Variants in SYNE2 observed in about 807,000 individuals in gnomAD.
The protein encoded by SYNE2 is nesprin-2.
In SYNE2, 431 loss-of-function variants were observed where a neutral mutation model predicts 856.3. The ratio of observed to expected loss-of-function variants is 0.50; its 90% confidence interval spans 0.47 to 0.55. SYNE2 has a LOEUF of 0.55. Among genes scored for constraint, SYNE2 ranks in the 20% least tolerant of loss-of-function variants. SYNE2 has a pLI of 0.00. For missense variants in SYNE2, 8,129 were observed against 8,023.2 expected, an observed-to-expected ratio of 1.01 and a Z score of -0.50; for synonymous variants, 2,923 against 2,872.3, an observed-to-expected ratio of 1.02 and a Z score of -0.56.
At chr14:63,793,717 G>C (rs1477093289) in intron 1 of SYNE2, among the ~76,000 whole-genome samples, 3 of 151,936 alleles carry the variant, frequency 2.0e-5, no homozygotes, top group Non-Finnish European at 4.4e-5. Flanking sequence ...CATGAGGATT[G>C]TTTGAGCCCA....
rs764566778 is a variant in SYNE2, at chr14:64,190,204, G to T, written c.18005G>T (p.Arg6002Leu). The T allele has an allele frequency of 2.5e-6, 4 of 1,614,040 alleles. No homozygotes were observed. Among genetic ancestry groups the T allele is most frequent in the African/African-American group, 1.3e-5 (1 of 74,986 alleles). Residue 6002 changes from arginine (R) to leucine (L), a missense_variant, in exon 99 of 116, where the codon CGT becomes CTT. Around this residue, in one of 3 missense-constraint regions of SYNE2, gnomAD observed 5,410 missense variants for 5,284.8 expected, o/e 1.02. Transcript: ENST00000555002. ...IDDKLNKINDRWQHLFDVIGS... is the reference protein window; with the variant it reads ...IDDKLNKINDLWQHLFDVIGS... ...GACAAGCTCAACAAAATTAACGATC[G>T]TTGGCAACATCTTTTTGATGTCATC... is the stretch of plus-strand genomic sequence containing the variant.
intron 83 of SYNE2, among the ~76,000 whole-genome samples, chr14:64,145,005 C>A (rs1223309747): frequency 6.7e-6 from 1 of 149,452 alleles, no homozygotes; most frequent in Non-Finnish European, 1.5e-5. Context: ...CGGCTCACTG[C>A]AACTTCCACC....
At chr14:63,964,069 A>G (rs960744262) in intron 10 of SYNE2, 69 bp downstream of exon 10, 1 of 982,728 alleles carries the variant, frequency 1.0e-6, no homozygotes, top group African/African-American at 1.6e-5. Flanking sequence ...TGTTTTTAGA[A>G]AACTCTTTCA....
At chr14:63,982,606 G>C (rs529134855) in intron 16 of SYNE2, 24 bp from the exon 17 acceptor site, 3 of 1,606,098 alleles carry the variant, frequency 1.9e-6, no homozygotes, top group Non-Finnish European at 2.6e-6. Flanking sequence ...CATTAAGATA[G>C]TGTGTTGCTT....
At chr14:63,947,688 T>A (rs1253805452) in intron 6 of SYNE2, among the ~76,000 whole-genome samples, 2 of 151,990 alleles carry the variant, frequency 1.3e-5, no homozygotes, top group Non-Finnish European at 2.9e-5. Flanking sequence ...ATACAAAAAA[T>A]TAGCCGGGCA....
At chr14:64,081,869 A>C (rs556863174) in intron 57 of SYNE2, among the ~76,000 whole-genome samples, 2 of 152,108 alleles carry the variant, frequency 1.3e-5, no homozygotes, top group South Asian at 4.2e-4. Context: ...GGCGGATCAC[A>C]AGGTTAGGAG....
At chr14:64,095,062 A>G (rs2097665453) in intron 61 of SYNE2, 1 of 170,326 alleles carries the variant, frequency 5.9e-6, no homozygotes, top group Non-Finnish European at 1.5e-5. Flanking sequence ...AAGTAATTCC[A>G]GTTTTTACCA....
chr14:64,079,509 A>C (rs2097501167), intron 55 of SYNE2, among the ~76,000 whole-genome samples: 1 of 152,210 alleles, frequency 6.6e-6, no homozygotes, highest in East Asian at 1.9e-4. Flanking sequence ...AGATTTTCCT[A>C]GTCCTCAAGA....
intron 80 of SYNE2, among the ~76,000 whole-genome samples, chr14:64,140,475 G>A (rs539567016): frequency 1.8e-4 from 28 of 152,276 alleles, no homozygotes; most frequent in Non-Finnish European, 3.4e-4. Flanking sequence ...CCAGCTCCTC[G>A]GGAGGCTGAG....
rs764895998 is a variant in SYNE2, at chr14:63,981,013, A to C, written c.1676A>C (p.Gln559Pro). The change falls in exon 16 of 116, where the codon CAG (glutamine) becomes CCG (proline). Residue 559 changes from glutamine to proline, a missense_variant. Transcript: ENST00000555002. ...GGAGAATGTCAGAATATTAATAAACAGTATATGATGGTGAAATCTGATGTT... is the reference window on the plus strand; with the variant it reads ...GGAGAATGTCAGAATATTAATAAACCGTATATGATGGTGAAATCTGATGTT... The part of the protein sequence containing the change: ...LAGECQNINK[Q>P]YMMVKSDVCM... 1 of 1,565,480 alleles carries C rather than the reference A, an allele frequency of 6.4e-7. No individual in the cohort carries two copies.
At chr14:64,046,084 AC>A (rs1369738365) in intron 45 of SYNE2, among the ~76,000 whole-genome samples, 3 of 152,228 alleles carry the variant, frequency 2.0e-5, no homozygotes, top group East Asian at 1.9e-4. Flanking sequence ...ATATAAAGTA[AC>A]CTGAAAATAA....
intron 45 of SYNE2, among the ~76,000 whole-genome samples, chr14:64,038,605 C>T (rs564360536): frequency 1.1e-3 from 174 of 152,342 alleles, no homozygotes; most frequent in African/African-American, 4.0e-3. Flanking sequence ...CTCGGGAGGC[C>T]GAGGCTGGTG....
Position 64,024,414 on chromosome 14 carries a change from A to G in SYNE2, c.5795A>G (p.Gln1932Arg), listed in dbSNP as rs762218280. 3.1e-6 allele frequency: 5 copies of G among 1,614,162 alleles called. No individual in the cohort carries two copies. Among genetic ancestry groups the G allele is most frequent in the Middle Eastern group, 1.6e-4 (1 of 6,062 alleles). The change falls in exon 39 of 116, where the codon CAG becomes CGG. Residue 1932 changes from glutamine to arginine, a missense_variant. Coordinates refer to ENST00000555002, the MANE Select transcript of SYNE2 (RefSeq NM_182914.3). ...TTAGAAAAAATGGAGTCCATATGCC[A>G]GGCTCGAGCAAAGGAGCTTGAAGAC... ...FELEKMESICQARAKELEDSL... is the reference protein window; with the variant it reads ...FELEKMESICRARAKELEDSL...
At chr14:64,193,128 A>G (rs111287561) in intron 99 of SYNE2, among the ~76,000 whole-genome samples, 47 of 152,368 alleles carry the variant, frequency 3.1e-4, no homozygotes, top group African/African-American at 1.1e-3. Context: ...AGTGGCGACA[A>G]GAACCTGCTC....
chr14:63,852,819 A>G (rs1890665237), upstream of SYNE2, among the ~76,000 whole-genome samples: 1 of 152,018 alleles, frequency 6.6e-6, no homozygotes, highest in Non-Finnish European at 1.5e-5. Flanking sequence ...CTGATGTCCC[A>G]AAAGACGGGG....
Position 64,209,674 on chromosome 14 carries a change from C to G in SYNE2, c.18540+96C>G, listed in dbSNP as rs534308466. ...GACTTCCTCTAAGTAGCCAGCTTCC[C>G]CTCACCTCTGGCAAGGGCTGCCTAA... On this transcript the variant is annotated intron_variant, in intron 102 of 115. Coordinates refer to ENST00000555002, the MANE Select transcript of SYNE2 (RefSeq NM_182914.3). 132 of 1,549,982 alleles carry G rather than the reference C, an allele frequency of 8.5e-5. 3 individuals carry two copies. The South Asian group carries it at 1.4e-3, about 17-fold the overall frequency.
chr14:64,160,507 C>G (rs1441934683), intron 87 of SYNE2, among the ~76,000 whole-genome samples: 2 of 152,126 alleles, frequency 1.3e-5, no homozygotes, highest in African/African-American at 4.8e-5. Context: ...ATTTTGTTTG[C>G]TTTTTGACAG....
chr14:64,225,287 C>G (rs1007378077), intron 115 of SYNE2, 32 bp from the exon 116 acceptor site: 1 of 1,614,098 alleles, frequency 6.2e-7, no homozygotes, highest in Non-Finnish European at 8.5e-7. Context: ...TGTGGAGCCT[C>G]CCAATCAGCT....
intron 8 of SYNE2, 118 bp downstream of exon 8, chr14:63,955,033 A>G (rs1045834857): frequency 2.7e-5 from 22 of 824,996 alleles, no homozygotes; most frequent in Non-Finnish European, 2.0e-5. Context: ...TGGAGGGTTT[A>G]ACTTAAGCTC....
Sources: allele counts gnomAD v4.1 joint callset (sites outside exome capture counted in the v4.1 genomes callset), GRCh38; gene constraint gnomAD v4.1.1; regional missense constraint gnomAD v4.1.1; transcripts MANE v1.5; gene names NCBI Gene and HGNC (gene_info 2026-07-23, HGNC 2026-07-21).